The following PCDH15 variants were observed in gnomAD, a reference collection of about 807,000 sequenced individuals.
PCDH15 encodes the protein protocadherin related 15, also known as protocadherin-15.
In PCDH15, 129 loss-of-function variants were observed where a neutral mutation model predicts 178.5. That is an observed-to-expected ratio of 0.72 (90% confidence interval 0.63 to 0.84). The LOEUF (loss-of-function observed/expected upper bound fraction) is 0.84, where lower values mean the gene tolerates loss of function less well. Ranked by LOEUF, PCDH15 falls within the 40% of genes least tolerant of loss-of-function variation. The pLI is 0.00. For missense variants in PCDH15, 2,230 were observed against 2,099.9 expected (o/e 1.06, Z -1.21); for synonymous variants, 800 against 732.0 (o/e 1.09, Z -1.50).
chr10:55,442,470 T>TATATTATATATA, intron 2 of PCDH15, among the ~76,000 whole-genome samples: 1 of 124,684 alleles, frequency 8.0e-6, no homozygotes, highest in Admixed American at 8.6e-5. Flanking sequence ...TATATATATA[T>TATATTATATATA]TATATATATA....
intron 18 of PCDH15, among the ~76,000 whole-genome samples, chr10:54,026,024 T>C (rs892930634): frequency 1.3e-5 from 2 of 152,174 alleles, no homozygotes; most frequent in Non-Finnish European, 2.9e-5. Context: ...TGCAAGTGTG[T>C]GTATACTGCC....
chr10:54,752,100 A>C (rs1056508722), intron 1 of PCDH15, among the ~76,000 whole-genome samples: 11 of 152,226 alleles, frequency 7.2e-5, no homozygotes, highest in Non-Finnish European at 1.3e-4. Context: ...TCTGAAAGCT[A>C]CATCTGTATT....
At chr10:55,380,037 T>C (rs994458423) in intron 2 of PCDH15, among the ~76,000 whole-genome samples, 24 of 151,878 alleles carry the variant, frequency 1.6e-4, no homozygotes, top group African/African-American at 5.6e-4. Context: ...AAAAAATAAG[T>C]TAGAGACAGT....
At chr10:54,664,889 C>A (rs1459123356) in intron 1 of PCDH15, among the ~76,000 whole-genome samples, 1 of 147,080 alleles carries the variant, frequency 6.8e-6, no homozygotes, top group Non-Finnish European at 1.5e-5. Context: ...TCTTGTTTTA[C>A]TTTTCAATCC....
At chr10:55,031,642 G>T (rs1840613205) in intron 2 of PCDH15, among the ~76,000 whole-genome samples, 1 of 152,142 alleles carries the variant, frequency 6.6e-6, no homozygotes, top group Non-Finnish European at 1.5e-5. Context: ...TATTTAGAAG[G>T]TGAGGTTTTT....
At chr10:55,112,955 G>T (rs1837545463) in intron 2 of PCDH15, among the ~76,000 whole-genome samples, 1 of 152,098 alleles carries the variant, frequency 6.6e-6, no homozygotes, top group African/African-American at 2.4e-5. Context: ...GCGTAATACT[G>T]TGCTTAAAAA....
At chr10:55,439,678 A>G (rs888035023) in intron 2 of PCDH15, among the ~76,000 whole-genome samples, 4 of 152,126 alleles carry the variant, frequency 2.6e-5, no homozygotes, top group Non-Finnish European at 5.9e-5. Context: ...TAACTAAAAT[A>G]TGGACAAAGA....
chr10:55,170,310 G>T (rs1462694622), intron 1 of PCDH15, among the ~76,000 whole-genome samples: 1 of 151,282 alleles, frequency 6.6e-6, no homozygotes, highest in South Asian at 2.1e-4. Context: ...CCACCATATT[G>T]GCTATTTAAA....
At chr10:54,329,527 G>A in intron 7 of PCDH15, 69 bp downstream of exon 7, 1 of 1,144,034 alleles carries the variant, frequency 8.7e-7, no homozygotes, top group Admixed American at 1.7e-5. Flanking sequence ...AAGAGTATCT[G>A]ATACATTTTG....
At chr10:55,483,868 G>A (rs1425270502) in intron 2 of PCDH15, among the ~76,000 whole-genome samples, 7 of 149,492 alleles carry the variant, frequency 4.7e-5, no homozygotes, top group Non-Finnish European at 8.9e-5. Context: ...GATCACTGCA[G>A]AACTATTCAC....
intron 2 of PCDH15, among the ~76,000 whole-genome samples, chr10:55,119,504 A>C (rs1837712485): frequency 5.3e-5 from 8 of 151,832 alleles, no homozygotes. Flanking sequence ...ATACAAAAAA[A>C]AAAGGTAAGC....
chr10:55,035,818 C>A (rs1301498921), intron 2 of PCDH15, among the ~76,000 whole-genome samples: 2 of 152,134 alleles, frequency 1.3e-5, no homozygotes, highest in South Asian at 4.1e-4. Flanking sequence ...GAGAAAAATG[C>A]TCCACTGATG....
intron 1 of PCDH15, among the ~76,000 whole-genome samples, chr10:54,696,939 T>G (rs1306379529): frequency 6.6e-6 from 1 of 152,052 alleles, no homozygotes; most frequent in Non-Finnish European, 1.5e-5. Context: ...TCTTATAGGA[T>G]ACAGTGGAAA....
intron 10 of PCDH15, among the ~76,000 whole-genome samples, chr10:54,211,621 ATTC>A (rs2051443462): frequency 6.6e-6 from 1 of 152,110 alleles, no homozygotes; most frequent in Non-Finnish European, 1.5e-5. Context: ...TTAAAGCAGA[ATTC>A]TTCTTCAAAA....
intron 1 of PCDH15, among the ~76,000 whole-genome samples, chr10:54,730,505 AC>A (rs1346274830): frequency 6.6e-6 from 1 of 151,562 alleles, no homozygotes; most frequent in Admixed American, 6.6e-5. Flanking sequence ...CATGCAATTT[AC>A]CTTGTAGAAA....
At chr10:54,568,116 G>T (rs9971344) in intron 2 of PCDH15, among the ~76,000 whole-genome samples, 144,431 of 152,198 alleles carry the variant, frequency 0.95, 68,666 homozygotes, top group Middle Eastern at 0.98. Context: ...TTTTCAAAAC[G>T]TAGCTCTTTT....
chr10:55,341,397 A>G (rs1395522001), intron 2 of PCDH15, among the ~76,000 whole-genome samples: 1 of 152,066 alleles, frequency 6.6e-6, no homozygotes, highest in Non-Finnish European at 1.5e-5. Context: ...AAAATGGGAG[A>G]ATTTAACAAG....
chr10:55,513,973 G>A (rs983593477), intron 2 of PCDH15, among the ~76,000 whole-genome samples: 4 of 152,020 alleles, frequency 2.6e-5, no homozygotes, highest in Admixed American at 6.6e-5. Context: ...GATACTCAAC[G>A]AGTAGACTAG....
chr10:54,414,887 T>C (rs1260507567), intron 3 of PCDH15, among the ~76,000 whole-genome samples: 3 of 152,018 alleles, frequency 2.0e-5, no homozygotes, highest in Non-Finnish European at 4.4e-5. Flanking sequence ...AGAGTTCTTA[T>C]TTTAAAAGCA....
Sources: gnomAD v4.1 joint callset for allele counts (sites outside exome capture counted in the v4.1 genomes callset) on GRCh38, gnomAD v4.1.1 for gene constraint, MANE v1.5 for transcripts, NCBI Gene and HGNC (gene_info 2026-07-23, HGNC 2026-07-21) for gene names.